Variants in PLCB1 observed in about 807,000 individuals in gnomAD.
The protein encoded by PLCB1 is 1-phosphatidylinositol 4,5-bisphosphate phosphodiesterase beta-1.
A neutral mutation model predicts 161.8 loss-of-function variants in PLCB1; 46 were observed. The observed-to-expected ratio is 0.28, with a 90% CI of 0.22 to 0.36. The LOEUF is 0.36. PLCB1 is among the 10% of genes least tolerant of loss of function. The probability of loss-of-function intolerance (pLI) is 1.00; values close to 1 mark genes in which losing one functional copy is unlikely to be tolerated. For missense variants in PLCB1, 1,016 were observed against 1,472.5 expected (o/e 0.69, Z 5.07); for synonymous variants, 517 against 503.7 (o/e 1.03, Z -0.35).
At chr20:8,325,070 T>C (rs1407076253) in intron 2 of PLCB1, among the ~76,000 whole-genome samples, 1 of 152,216 alleles carries the variant, frequency 6.6e-6, no homozygotes, top group Non-Finnish European at 1.5e-5. Context: ...GTAATAATCA[T>C]GCCCCTACTA....
chr20:8,626,177 CAAA>C (rs71184104), intron 3 of PLCB1, among the ~76,000 whole-genome samples: 19,407 of 117,368 alleles, frequency 0.17, 1,272 homozygotes, highest in Middle Eastern at 0.25. Flanking sequence ...GACTCCATCT[CAAA>C]AAAAAAAAAA....
chr20:8,280,798 A>G (rs1395313398), intron 2 of PLCB1, among the ~76,000 whole-genome samples: 1 of 152,188 alleles, frequency 6.6e-6, no homozygotes, highest in Non-Finnish European at 1.5e-5. Flanking sequence ...TCTTTTTCAG[A>G]TTGAAACTGC....
intron 2 of PLCB1, among the ~76,000 whole-genome samples, chr20:8,344,343 C>G (rs947203447): frequency 6.6e-6 from 1 of 152,180 alleles, no homozygotes. Context: ...GCACCGTGTC[C>G]TTAGTCCACC....
intron 3 of PLCB1, among the ~76,000 whole-genome samples, chr20:8,582,799 C>G (rs1024937346): frequency 6.6e-6 from 1 of 152,078 alleles, no homozygotes; most frequent in African/African-American, 2.4e-5. Flanking sequence ...ACCAGCCTGG[C>G]CCACATGGTG....
intron 2 of PLCB1, among the ~76,000 whole-genome samples, chr20:8,219,341 T>A (rs6118123): frequency 1.3e-5 from 2 of 152,214 alleles, no homozygotes; most frequent in African/African-American, 4.8e-5. Context: ...TATTTTCTTA[T>A]ACGTATTTGT....
At chr20:8,389,449 A>C (rs1987525537) in intron 3 of PLCB1, among the ~76,000 whole-genome samples, 3 of 152,224 alleles carry the variant, frequency 2.0e-5, no homozygotes, top group African/African-American at 4.8e-5. Context: ...CCTGGCAGCC[A>C]AGAACATTCT....
intron 3 of PLCB1, among the ~76,000 whole-genome samples, chr20:8,570,930 G>T (rs1015345972): frequency 2.0e-5 from 3 of 152,158 alleles, no homozygotes; most frequent in Non-Finnish European, 4.4e-5. Flanking sequence ...AGAGAAGAAA[G>T]CTCATTAGTA....
intron 2 of PLCB1, among the ~76,000 whole-genome samples, chr20:8,185,836 G>A (rs1256540340): frequency 6.6e-6 from 1 of 152,026 alleles, no homozygotes; most frequent in East Asian, 1.9e-4. Context: ...TTGACTTTTT[G>A]GTTAGCTAGA....
chr20:8,851,841 T>G (rs1457303063), intron 31 of PLCB1, among the ~76,000 whole-genome samples: 1 of 152,190 alleles, frequency 6.6e-6, no homozygotes, highest in Non-Finnish European at 1.5e-5. Flanking sequence ...AGTTGCAATT[T>G]AGAGGCAGTT....
At chr20:8,829,266 CA>C (rs1351344650) in intron 31 of PLCB1, among the ~76,000 whole-genome samples, 2 of 152,140 alleles carry the variant, frequency 1.3e-5, no homozygotes, top group Admixed American at 6.5e-5. Flanking sequence ...TCCGTGACCC[CA>C]AAAGAGTGCT....
At chr20:8,220,422 T>A (rs1035071999) in intron 2 of PLCB1, among the ~76,000 whole-genome samples, 5 of 152,176 alleles carry the variant, frequency 3.3e-5, no homozygotes, top group African/African-American at 9.6e-5. Context: ...AATGTTACCT[T>A]ATTTAGAAAT....
intron 9 of PLCB1, among the ~76,000 whole-genome samples, chr20:8,667,152 C>T (rs1253723273): frequency 6.6e-6 from 1 of 152,136 alleles, no homozygotes; most frequent in African/African-American, 2.4e-5. Context: ...AAGACAAAAA[C>T]AGAGGAAAAC....
Position 8,765,211 on chromosome 20 carries a change from A to G in PLCB1, c.2783A>G (p.Lys928Arg), listed in dbSNP as rs1247236855. Residue 928 changes from lysine (K) to arginine (R), a missense_variant, in exon 26 of 32, where the codon AAA becomes AGA. Around this residue, in one of 10 missense-constraint regions of PLCB1, gnomAD observed 398 missense variants for 445.4 expected, o/e 0.89. Transcript: ENST00000338037. ...GTGAAACTTCAAAAGAAACACTACA[A>G]AGAAATGAAAGACCTGGTTAAGAGA... ...SFVKLQKKHY[K>R]EMKDLVKRHH... The G allele has an allele frequency of 2.5e-6, 4 of 1,614,132 alleles. No homozygotes were observed. The South Asian group carries it at 4.4e-5, about 18-fold the overall frequency.
At chr20:8,483,040 C>G (rs1250280026) in intron 3 of PLCB1, among the ~76,000 whole-genome samples, 1 of 151,806 alleles carries the variant, frequency 6.6e-6, no homozygotes, top group Non-Finnish European at 1.5e-5. Flanking sequence ...TTCTCTCGAT[C>G]GATGGAAATA....
intron 4 of PLCB1, among the ~76,000 whole-genome samples, chr20:8,638,142 C>T (rs1189835022): frequency 6.6e-6 from 1 of 152,188 alleles, no homozygotes; most frequent in Non-Finnish European, 1.5e-5. Flanking sequence ...AATCCGCCCA[C>T]CTCGGCCTCC....
At chr20:8,368,051 G>A (rs922866547) in intron 2 of PLCB1, among the ~76,000 whole-genome samples, 2 of 152,124 alleles carry the variant, frequency 1.3e-5, no homozygotes, top group Non-Finnish European at 2.9e-5. Context: ...CTACCCTTCC[G>A]TGGCTTGGGG....
intron 23 of PLCB1, among the ~76,000 whole-genome samples, chr20:8,749,228 T>C (rs1981328181): frequency 6.6e-6 from 1 of 152,202 alleles, no homozygotes; most frequent in Non-Finnish European, 1.5e-5. Flanking sequence ...TTTGCATCTC[T>C]AACAATCTGC....
chr20:8,864,479 GTC>G (rs1353383987), intron 31 of PLCB1, among the ~76,000 whole-genome samples: 6 of 152,144 alleles, frequency 3.9e-5, no homozygotes, highest in African/African-American at 1.4e-4. Flanking sequence ...TCTCACTCAT[GTC>G]TCTGCCTAGC....
chr20:8,757,844 C>T lies in PLCB1; in HGVS notation c.2656+666C>T, dbSNP rs140139512. Among the ~76,000 whole-genome samples the T allele has an allele frequency of 6.4e-4, 95 of 148,766 alleles. 1 individual carries two copies. The East Asian group carries it at 0.019, about 29-fold the overall frequency. On this transcript the variant is annotated intron_variant, in intron 24 of 31. Coordinates refer to ENST00000338037, the MANE Select transcript of PLCB1 (RefSeq NM_015192.4). ...TACAGCCAAAGCCACACTCTTGTCT[C>T]ATTTCTCAAAATGAATAAATGAATA...
Sources: allele counts gnomAD v4.1 joint callset (sites outside exome capture counted in the v4.1 genomes callset), GRCh38; gene constraint gnomAD v4.1.1; regional missense constraint gnomAD v4.1.1; transcripts MANE v1.5; gene names NCBI Gene and HGNC (gene_info 2026-07-23, HGNC 2026-07-21).